Variants in RSRC1 observed in about 807,000 individuals in gnomAD.
RSRC1 encodes serine/Arginine-related protein 53.
A neutral mutation model predicts 49.1 loss-of-function variants in RSRC1; 39 were observed. The ratio of observed to expected loss-of-function variants is 0.79; its 90% CI spans 0.61 to 1.04. RSRC1 has a LOEUF of 1.04. Among genes scored for constraint, RSRC1 ranks in the 50% least tolerant of loss-of-function variants. RSRC1 has a pLI of 0.00. For synonymous variants in RSRC1, 143 were observed against 130.8 expected (o/e 1.09, Z -0.63); for missense variants, 388 against 402.4 (o/e 0.96, Z 0.31).
At position 158,539,383 on chromosome 3, in the gene RSRC1, C is replaced by G. The variant is rs1054502150; in HGVS notation, c.759+2185C>G. ...TTTAACTAGTTTTACTCTCTGAAATCGTATTTCTTTTGTCTGAGTAAATAG... is the reference window on the plus strand; with the variant it reads ...TTTAACTAGTTTTACTCTCTGAAATGGTATTTCTTTTGTCTGAGTAAATAG... On this transcript the variant is annotated intron_variant, in intron 8 of 9. Coordinates refer to ENST00000611884, the MANE Select transcript of RSRC1 (RefSeq NM_001271838.2). The surrounding 1 kb of genome is among the most constrained non-coding windows in gnomAD (Gnocchi z 4.1). Among the ~76,000 whole-genome samples the G allele has an allele frequency of 1.3e-5, 2 of 151,980 alleles. No individual in the cohort carries two copies. Among genetic ancestry groups the G allele is most frequent in the Non-Finnish European group, 2.9e-5 (2 of 67,950 alleles).
intron 4 of RSRC1, among the ~76,000 whole-genome samples, chr3:158,253,439 G>A (rs938220243): frequency 3.3e-5 from 5 of 152,014 alleles, no homozygotes; most frequent in African/African-American, 1.2e-4. Context: ...GAAGATACTT[G>A]ATATCATTCT....
chr3:158,543,806 C>G (rs1713177442), intron 9 of RSRC1: 1 of 282,630 alleles, frequency 3.5e-6, no homozygotes, highest in African/African-American at 2.2e-5. Flanking sequence ...GTTTAAAAAT[C>G]TAGCACTAAA....
At chr3:158,366,020 A>G (rs554758323) in intron 6 of RSRC1, among the ~76,000 whole-genome samples, 7 of 152,116 alleles carry the variant, frequency 4.6e-5, no homozygotes, top group African/African-American at 1.7e-4. Context: ...AAATTTGTTT[A>G]AGTTCCTTAT....
chr3:158,237,898 T>C (rs59535842), intron 4 of RSRC1, among the ~76,000 whole-genome samples: 11,648 of 152,226 alleles, frequency 0.077, 535 homozygotes, highest in South Asian at 0.13. Context: ...TTCAAAGGCT[T>C]CCAGTTTTTG....
chr3:158,236,590 G>A (rs1371225751), intron 4 of RSRC1, among the ~76,000 whole-genome samples: 1 of 152,086 alleles, frequency 6.6e-6, no homozygotes, highest in Admixed American at 6.5e-5. Flanking sequence ...GGCTTTTTTT[G>A]CTCAGCATAA....
chr3:158,171,821 C>G (rs1027831454), intron 3 of RSRC1, among the ~76,000 whole-genome samples: 3 of 151,992 alleles, frequency 2.0e-5, no homozygotes, highest in Admixed American at 6.6e-5. Flanking sequence ...CGTCATTGTG[C>G]ATGCCTGTAG....
At chr3:158,537,036 T>A (rs534043611) in intron 7 of RSRC1, 56 bp from the exon 8 acceptor site, 1 of 998,266 alleles carries the variant, frequency 1.0e-6, no homozygotes, top group African/African-American at 1.6e-5. Context: ...TGCTTAGGTG[T>A]AGTGTTATTA....
intron 6 of RSRC1, among the ~76,000 whole-genome samples, chr3:158,406,489 A>G (rs1378408923): frequency 6.6e-6 from 1 of 152,162 alleles, no homozygotes; most frequent in African/African-American, 2.4e-5. Context: ...AAATATTAAA[A>G]TAATACATTA....
chr3:158,373,226 C>A (rs1160904199), intron 6 of RSRC1, among the ~76,000 whole-genome samples: 1 of 151,752 alleles, frequency 6.6e-6, no homozygotes, highest in East Asian at 1.9e-4. Context: ...CCTTTCATTT[C>A]TTATTTTTAC....
chr3:158,439,596 T>C (rs190536876), intron 6 of RSRC1, among the ~76,000 whole-genome samples: 21 of 152,158 alleles, frequency 1.4e-4, no homozygotes, highest in Non-Finnish European at 1.3e-4. Context: ...TTCTCACTTA[T>C]AGGTGGGAGT....
At chr3:158,266,961 G>A (rs149540423) in intron 4 of RSRC1, among the ~76,000 whole-genome samples, 31 of 152,150 alleles carry the variant, frequency 2.0e-4, no homozygotes, top group African/African-American at 5.8e-4. Context: ...ACACTGTTTC[G>A]CTGTGTTGCG....
intron 7 of RSRC1, among the ~76,000 whole-genome samples, chr3:158,502,404 C>G (rs1365521657): frequency 6.6e-6 from 1 of 152,144 alleles, no homozygotes; most frequent in East Asian, 1.9e-4. Flanking sequence ...ATTTGCATGT[C>G]TAGTTCTCTA....
At chr3:158,313,498 G>A (rs540854933) in intron 5 of RSRC1, among the ~76,000 whole-genome samples, 1 of 152,212 alleles carries the variant, frequency 6.6e-6, no homozygotes, top group South Asian at 2.1e-4. Context: ...ACCTTTATGT[G>A]GTCTTTGCTA....
chr3:158,381,229 T>C (rs922997708), intron 6 of RSRC1, among the ~76,000 whole-genome samples: 2 of 152,184 alleles, frequency 1.3e-5, no homozygotes, highest in Non-Finnish European at 2.9e-5. Context: ...GATGTAAAGA[T>C]GCATTGTTCA....
At chr3:158,476,143 G>T (rs1306438701) in intron 7 of RSRC1, among the ~76,000 whole-genome samples, 1 of 152,128 alleles carries the variant, frequency 6.6e-6, no homozygotes, top group East Asian at 1.9e-4. Context: ...CCAGAGGAAG[G>T]TCCTAACTCC....
At chr3:158,120,348 A>G (rs1715162820) in intron 1 of RSRC1, among the ~76,000 whole-genome samples, 1 of 151,880 alleles carries the variant, frequency 6.6e-6, no homozygotes, top group African/African-American at 2.4e-5. Context: ...CTCTAGGTAA[A>G]TAGCTTAAAG....
At chr3:158,157,262 G>A (rs60856662) in intron 3 of RSRC1, among the ~76,000 whole-genome samples, 1 of 152,192 alleles carries the variant, frequency 6.6e-6, no homozygotes, top group East Asian at 1.9e-4. Context: ...GACATTAATA[G>A]AGAATGTTTA....
At chr3:158,227,918 G>C (rs1220207041) in intron 4 of RSRC1, among the ~76,000 whole-genome samples, 2 of 152,004 alleles carry the variant, frequency 1.3e-5, no homozygotes, top group Non-Finnish European at 2.9e-5. Context: ...GAGGGCTATA[G>C]TTTGTCACCT....
At chr3:158,454,121 C>T (rs1411835001) in intron 6 of RSRC1, among the ~76,000 whole-genome samples, 1 of 152,028 alleles carries the variant, frequency 6.6e-6, no homozygotes, top group Non-Finnish European at 1.5e-5. Context: ...CTGTGCCTTT[C>T]TAAAGTTCTG....
Sources: gnomAD v4.1 joint callset for allele counts (sites outside exome capture counted in the v4.1 genomes callset) on GRCh38, gnomAD v4.1.1 for gene constraint, Gnocchi (gnomAD v3.1) non-coding constraint, MANE v1.5 for transcripts, NCBI Gene and HGNC (gene_info 2026-07-23, HGNC 2026-07-21) for gene names.